The following DIAPH3 variants were observed in gnomAD, a reference collection of about 807,000 sequenced individuals.
The protein encoded by DIAPH3 is diaphanous related formin 3, also known as protein diaphanous homolog 3.
DIAPH3 carries 117 observed loss-of-function variants against 144.3 expected under a neutral mutation model. The observed-to-expected ratio is 0.81, with a 90% CI of 0.70 to 0.95. DIAPH3 has a LOEUF of 0.95. Among genes scored for constraint, DIAPH3 ranks in the 40% least tolerant of loss-of-function variants. DIAPH3 has a pLI of 0.00. For synonymous variants in DIAPH3, 519 were observed against 488.9 expected (o/e 1.06, Z -0.81); for missense variants, 1,421 against 1,412.7 (o/e 1.01, Z -0.09).
In DIAPH3 at chr13:60,100,749, TAAA is replaced by T. The variant is rs371956680; in HGVS notation, c.391-7020_391-7018del. Among the ~76,000 whole-genome samples the T allele has an allele frequency of 3.4e-3, 509 of 150,298 alleles. 3 individuals carry two copies. Among genetic ancestry groups the T allele is most frequent in the African/African-American group, 0.012 (486 of 40,914 alleles). ...AGAACTTTTTATAAATAACTTGGGG[TAAA>T]AAAAGAAAAACAGAACATCATTATT... On this transcript the variant is annotated intron_variant, in intron 3 of 27. Coordinates refer to ENST00000400324, the MANE Select transcript of DIAPH3 (RefSeq NM_001042517.2).
At chr13:59,908,156 G>A (rs970461976) in intron 20 of DIAPH3, among the ~76,000 whole-genome samples, 6 of 151,742 alleles carry the variant, frequency 4.0e-5, no homozygotes, top group Non-Finnish European at 7.4e-5. Context: ...AGATCACAAG[G>A]TCAAGAGATC....
At chr13:60,134,556 G>A (rs2059221027) in intron 1 of DIAPH3, among the ~76,000 whole-genome samples, 1 of 152,204 alleles carries the variant, frequency 6.6e-6, no homozygotes, top group South Asian at 2.1e-4. Flanking sequence ...CTAACAGCCT[G>A]TTGTATGTGT....
intron 22 of DIAPH3, 43 bp from the exon 23 acceptor site, chr13:59,839,491 AAT>A: frequency 3.1e-6 from 5 of 1,596,390 alleles, no homozygotes; most frequent in Admixed American, 1.7e-5. Context: ...ACAAAATTAT[AAT>A]ATATAAAAGG....
chr13:60,139,852 G>T (rs1444542089), intron 1 of DIAPH3, among the ~76,000 whole-genome samples: 1 of 152,088 alleles, frequency 6.6e-6, no homozygotes, highest in African/African-American at 2.4e-5. Flanking sequence ...ATTTTAAGAT[G>T]CCTCTTCGTC....
chr13:60,119,768 A>G (rs1205274237), intron 2 of DIAPH3, among the ~76,000 whole-genome samples: 2 of 151,314 alleles, frequency 1.3e-5, no homozygotes, highest in East Asian at 1.9e-4. Flanking sequence ...AAAAAAAAAA[A>G]AAAGAAATGA....
At chr13:59,858,388 A>G (rs2043378666) in intron 22 of DIAPH3, among the ~76,000 whole-genome samples, 1 of 152,144 alleles carries the variant, frequency 6.6e-6, no homozygotes, top group Admixed American at 6.6e-5. Context: ...AGACAAGAGC[A>G]CAGTTTCTGA....
In DIAPH3 at chr13:60,029,096, C is replaced by A. The variant is rs1434439562; in HGVS notation, c.627-12951G>T. Among the ~76,000 whole-genome samples the A allele has an allele frequency of 2.0e-5, 3 of 151,660 alleles. No individual in the cohort carries two copies. The South Asian group carries it at 6.2e-4, about 32-fold the overall frequency. ...GGGATTTTTTTTCTTCTCCAAAATTCACGGAACAAGTAACAACCTCCTCCA... is the reference window on the plus strand; with the variant it reads ...GGGATTTTTTTTCTTCTCCAAAATTAACGGAACAAGTAACAACCTCCTCCA... On this transcript the variant is annotated intron_variant, in intron 5 of 27. Transcript: ENST00000400324.
chr13:59,749,364 C>CA (rs1201888433), intron 27 of DIAPH3, among the ~76,000 whole-genome samples: 42 of 147,678 alleles, frequency 2.8e-4, no homozygotes, highest in African/African-American at 1.0e-3. Flanking sequence ...ACTAAAAATA[C>CA]AAAAAATTAG....
At chr13:59,817,520 AACTGT>A (rs1420123195) in intron 24 of DIAPH3, among the ~76,000 whole-genome samples, 1 of 151,904 alleles carries the variant, frequency 6.6e-6, no homozygotes, top group Non-Finnish European at 1.5e-5. Context: ...GTATTTCATT[AACTGT>A]CCTGTTACTT....
At chr13:60,116,497 T>G (rs530262406) in intron 2 of DIAPH3, among the ~76,000 whole-genome samples, 23 of 152,080 alleles carry the variant, frequency 1.5e-4, no homozygotes, top group African/African-American at 5.3e-4. Context: ...GTTACCTATC[T>G]CCCAAGTCAC....
At chr13:60,076,596 C>T (rs1005357650) in intron 4 of DIAPH3, among the ~76,000 whole-genome samples, 5 of 152,072 alleles carry the variant, frequency 3.3e-5, no homozygotes, top group African/African-American at 1.2e-4. Flanking sequence ...ATCAAAACAA[C>T]CTTAATATTA....
At chr13:59,868,076 T>TAAAAC in intron 21 of DIAPH3, among the ~76,000 whole-genome samples, 3 of 151,846 alleles carry the variant, frequency 2.0e-5, no homozygotes, top group African/African-American at 7.3e-5. Flanking sequence ...ATAGTGCCAG[T>TAAAAC]CTATGAAAGC....
chr13:59,731,916 C>T (rs1431171678), intron 27 of DIAPH3, among the ~76,000 whole-genome samples: 2 of 152,140 alleles, frequency 1.3e-5, no homozygotes, highest in Non-Finnish European at 2.9e-5. Flanking sequence ...CTTTCTCAAT[C>T]CTGGTGTCTT....
intron 2 of DIAPH3, among the ~76,000 whole-genome samples, chr13:60,131,450 A>C (rs1373563571): frequency 2.0e-5 from 3 of 150,654 alleles, no homozygotes; most frequent in East Asian, 1.9e-4. Flanking sequence ...AAAAAAAAAA[A>C]AAAAAAAAAA....
chr13:60,076,415 G>C (rs949432730), intron 4 of DIAPH3, among the ~76,000 whole-genome samples: 8 of 152,156 alleles, frequency 5.3e-5, no homozygotes, highest in African/African-American at 1.7e-4. Context: ...GCTAATGGTA[G>C]CACAATAGGC....
intron 22 of DIAPH3, among the ~76,000 whole-genome samples, chr13:59,848,307 C>CT (rs71089517): frequency 0.071 from 9,065 of 128,042 alleles, 363 homozygotes; most frequent in Admixed American, 0.11. Context: ...AAAGTCAAAT[C>CT]TTTTTTTTTT....
At chr13:60,131,966 T>C (rs1249716997) in intron 2 of DIAPH3, among the ~76,000 whole-genome samples, 2 of 152,182 alleles carry the variant, frequency 1.3e-5, no homozygotes, top group African/African-American at 2.4e-5. Flanking sequence ...GCCTCAATAT[T>C]GTCAACTGTA....
intron 27 of DIAPH3, among the ~76,000 whole-genome samples, chr13:59,706,016 C>T (rs1165139127): frequency 6.6e-6 from 1 of 151,596 alleles, no homozygotes; most frequent in Non-Finnish European, 1.5e-5. Context: ...GGGGATTGTT[C>T]TAGGACCTCC....
chr13:59,706,295 C>T (rs533776445), intron 27 of DIAPH3, among the ~76,000 whole-genome samples: 1 of 152,218 alleles, frequency 6.6e-6, no homozygotes, highest in South Asian at 2.1e-4. Context: ...TGCTGAACCG[C>T]TGGATACAGA....
Sources: gnomAD v4.1 joint callset for allele counts (sites outside exome capture counted in the v4.1 genomes callset) on GRCh38, gnomAD v4.1.1 for gene constraint, MANE v1.5 for transcripts, NCBI Gene and HGNC (gene_info 2026-07-23, HGNC 2026-07-21) for gene names.